TTBK1: variants seen among roughly 807,000 people sequenced by gnomAD.
TTBK1 encodes the protein tau-tubulin kinase 1.
Under a neutral mutation model 108.5 loss-of-function variants are expected in TTBK1, and 34 were observed. The observed-to-expected ratio is 0.31, with a 90% CI of 0.24 to 0.42. The LOEUF is 0.42. Among genes scored for constraint, TTBK1 ranks in the 10% least tolerant of loss-of-function variants. TTBK1 has a pLI of 1.00. For synonymous variants in TTBK1, 809 were observed against 795.1 expected (o/e 1.02, Z -0.29); for missense variants, 1,539 against 1,826.0 (o/e 0.84, Z 2.86).
Position 43,243,922 on chromosome 6 carries a change from C to T in TTBK1, c.-55+214C>T, listed in dbSNP as rs1033440343. ...CAGCACACAGACCTCCCTCCCCAAC[C>T]CGTCCTCCGGGCACTTTGCTCCTCC... On this transcript the variant is annotated intron_variant, in intron 1 of 14. Coordinates refer to ENST00000259750, the MANE Select transcript of TTBK1 (RefSeq NM_032538.3). This position sits in a 1 kb window ranked among gnomAD's most constrained non-coding sequence, Gnocchi z 5.5. Among the ~76,000 whole-genome samples the T allele has an allele frequency of 3.3e-5, 5 of 152,116 alleles. No homozygotes were observed. The highest frequency in any genetic ancestry group is 7.2e-5 in the African/African-American group (3 of 41,426).
In TTBK1 at chr6:43,276,172, C is replaced by T. The variant is rs1033991153; in HGVS notation, c.1987-6555C>T. On this transcript the variant is annotated intron_variant, in intron 13 of 14. Transcript: ENST00000259750. The surrounding 1 kb of genome is among the most constrained non-coding windows in gnomAD (Gnocchi z 5.4). ...CTCCCATCGTAAGTCCTTCCCTCGACCCCCCATTTTGTACTGCAATAATAC... is the reference window on the plus strand; with the variant it reads ...CTCCCATCGTAAGTCCTTCCCTCGATCCCCCATTTTGTACTGCAATAATAC... Among the ~76,000 whole-genome samples the T allele has an allele frequency of 2.6e-5, 4 of 152,170 alleles. No individual in the cohort carries two copies. The highest frequency in any genetic ancestry group is 9.7e-5 in the African/African-American group (4 of 41,424).
chr6:43,282,527 T>C lies in TTBK1; in HGVS notation c.1987-200T>C, dbSNP rs1378237070. On this transcript the variant is annotated intron_variant, in intron 13 of 14. Coordinates refer to ENST00000259750, the MANE Select transcript of TTBK1 (RefSeq NM_032538.3). The surrounding 1 kb of genome is among the most constrained non-coding windows in gnomAD (Gnocchi z 5.4). Reference sequence around the variant, plus strand: ...CATCAGAGGTTTCCTGAGCACTCACTAGGCGCCAGAGACCATTCTAGGCCC... The same window carrying C: ...CATCAGAGGTTTCCTGAGCACTCACCAGGCGCCAGAGACCATTCTAGGCCC... 6.6e-6 allele frequency among the ~76,000 whole-genome samples: 1 copy of C among 152,180 alleles called. No homozygotes were observed. The highest frequency in any genetic ancestry group is 2.4e-5 in the African/African-American group (1 of 41,434).
intron 13 of TTBK1, among the ~76,000 whole-genome samples, chr6:43,268,979 G>A (rs970464541): frequency 6.6e-6 from 1 of 151,322 alleles, no homozygotes; most frequent in Non-Finnish European, 1.5e-5. Flanking sequence ...CCTTTGAGGT[G>A]GGCACCATTA....
rs1005575171 is a variant in TTBK1, at chr6:43,253,026, G to A, written c.256+140G>A. Reference sequence around the variant, plus strand: ...AGGGGATGGAGCCAGGAGCTAAGGGGGAGGTGACGGAGCCAGAGTCTAGGA... The same window carrying A: ...AGGGGATGGAGCCAGGAGCTAAGGGAGAGGTGACGGAGCCAGAGTCTAGGA... On this transcript the variant is annotated intron_variant, in intron 3 of 14. Coordinates refer to ENST00000259750, the MANE Select transcript of TTBK1 (RefSeq NM_032538.3). This position sits in a 1 kb window ranked among gnomAD's most constrained non-coding sequence, Gnocchi z 5.8. 2 of 1,100,870 alleles carry A rather than the reference G, an allele frequency of 1.8e-6. No individual in the cohort carries two copies. The highest frequency in any genetic ancestry group is 2.6e-6 in the Non-Finnish European group (2 of 765,264). The allele number at this position is 1,100,870 out of a possible 1,614,324, so 68.2% of individuals were successfully genotyped here.
chr6:43,245,398 G>A (rs1362059105), intron 1 of TTBK1, among the ~76,000 whole-genome samples: 2 of 152,096 alleles, frequency 1.3e-5, no homozygotes, highest in Non-Finnish European at 2.9e-5. Flanking sequence ...ATCCTGTCCT[G>A]GGTTGGCAGA....
chr6:43,255,980 C>T, intron 9 of TTBK1, 124 bp downstream of exon 9: 2 of 1,198,724 alleles, frequency 1.7e-6, no homozygotes, highest in Non-Finnish European at 2.4e-6. Context: ...TCCCCTTGGT[C>T]TTCTAACTGC....
intron 5 of TTBK1, 46 bp from the exon 6 acceptor site, chr6:43,254,501 A>C (rs1377130010): frequency 7.0e-7 from 1 of 1,419,062 alleles, no homozygotes; most frequent in East Asian, 2.5e-5. Flanking sequence ...GAGGTGGCCC[A>C]GCTGGGGTTG....
At chr6:43,261,057 T>C (rs1028610837) in intron 12 of TTBK1, among the ~76,000 whole-genome samples, 3 of 152,178 alleles carry the variant, frequency 2.0e-5, no homozygotes, top group Admixed American at 6.5e-5. Flanking sequence ...ATATCAGCCA[T>C]TGACATGGGA....
chr6:43,266,959 C>T (rs574634048), intron 13 of TTBK1, among the ~76,000 whole-genome samples: 8 of 148,938 alleles, frequency 5.4e-5, no homozygotes, highest in African/African-American at 2.0e-4. Context: ...CCAGAGAGAG[C>T]AGATGGTTTG....
rs375732482 is a variant in TTBK1, at chr6:43,259,752, G to A, written c.1424+46G>A. ...ATGGTTGGGGCCCAAGGCCCTCTCC[G>A]CCTTCACGTGGCTGGTCTGGAGGAA... On this transcript the variant is annotated intron_variant, in intron 12 of 14. Coordinates refer to ENST00000259750, the MANE Select transcript of TTBK1 (RefSeq NM_032538.3). The surrounding 1 kb of genome is among the most constrained non-coding windows in gnomAD (Gnocchi z 6.7). 63 of 1,479,304 alleles carry A rather than the reference G, an allele frequency of 4.3e-5. No homozygotes were observed. The highest frequency in any genetic ancestry group is 5.7e-5 in the African/African-American group (4 of 70,634). 91.6% of individuals were successfully genotyped at this position (1,479,304 alleles called of 1,614,324 possible).
chr6:43,254,465 T>C, intron 5 of TTBK1, 82 bp from the exon 6 acceptor site: 1 of 951,606 alleles, frequency 1.1e-6, no homozygotes, highest in Middle Eastern at 2.2e-4. Flanking sequence ...CTTCACCAGC[T>C]GCAGAGCTGT....
intron 13 of TTBK1, among the ~76,000 whole-genome samples, chr6:43,268,441 C>A (rs1196930693): frequency 6.6e-6 from 1 of 152,218 alleles, no homozygotes; most frequent in South Asian, 2.1e-4. Context: ...CTGCTGGAGG[C>A]TCCATGCCAA....
rs182130926 is a variant in TTBK1 at position 43,269,090 on chromosome 6, G to A, written c.1986+5740G>A. Among the ~76,000 whole-genome samples the A allele has an allele frequency of 2.3e-4, 35 of 152,328 alleles. No homozygotes were observed. The highest frequency in any genetic ancestry group is 4.3e-4 in the Non-Finnish European group (29 of 68,034). ...AGTGGTGGAGTTGGGATTCAAACAC[G>A]AGTAATTGGGCTCTAGAGTACCACC... On this transcript the variant is annotated intron_variant, in intron 13 of 14. Coordinates refer to ENST00000259750, the MANE Select transcript of TTBK1 (RefSeq NM_032538.3). This position sits in a 1 kb window ranked among gnomAD's most constrained non-coding sequence, Gnocchi z 4.8.
At chr6:43,258,597 A>AT (rs1769140051) in intron 10 of TTBK1, among the ~76,000 whole-genome samples, 1 of 140,560 alleles carries the variant, frequency 7.1e-6, no homozygotes, top group Non-Finnish European at 1.5e-5. Flanking sequence ...AGAAGATTAA[A>AT]TAAAAAAAAA....
At chr6:43,251,978 C>G (rs907217918) in intron 2 of TTBK1, among the ~76,000 whole-genome samples, 8 of 152,172 alleles carry the variant, frequency 5.3e-5, no homozygotes, top group African/African-American at 1.9e-4. Flanking sequence ...TCAATCCGCC[C>G]TGAGACTGGG....
chr6:43,245,542 CAAAG>C (rs904972616), intron 1 of TTBK1, among the ~76,000 whole-genome samples: 3 of 134,172 alleles, frequency 2.2e-5, no homozygotes, highest in South Asian at 2.3e-4. Context: ...AAAAGATAGA[CAAAG>C]AAAGACACAC....
chr6:43,278,059 A>G (rs1372902750), intron 13 of TTBK1, among the ~76,000 whole-genome samples: 2 of 152,134 alleles, frequency 1.3e-5, no homozygotes, highest in Non-Finnish European at 1.5e-5. Flanking sequence ...GCCGGGGTGC[A>G]GTGCCTGAAG....
rs142658801 is a variant in TTBK1 at position 43,259,577 on chromosome 6, G to T, written c.1295G>T (p.Ser432Ile). The change falls in exon 12 of 15, where the codon AGC (serine) becomes ATC (isoleucine). Residue 432 changes from serine (S) to isoleucine (I), a missense_variant. By Grantham distance (142) the Ser-to-Ile change is moderately radical (BLOSUM62 -2). This residue lies in a region of TTBK1 where 277 missense variants were observed against 332.4 expected (regional missense o/e 0.83). Coordinates refer to ENST00000259750, the MANE Select transcript of TTBK1 (RefSeq NM_032538.3). This position sits in a 1 kb window ranked among gnomAD's most constrained non-coding sequence, Gnocchi z 6.7. The stretch of plus-strand genomic sequence containing the variant: ...CAGAGCCGAGGCATGGGGGTCCCCA[G>T]CTCCCCAGTGCGTGCCCCCCCAGAC... ...EEQSRGMGVP[S>I]SPVRAPPDSP... 5.0e-6 allele frequency: 8 copies of T among 1,607,468 alleles called. No homozygotes were observed. Among genetic ancestry groups the T allele is most frequent in the Non-Finnish European group, 4.2e-6 (5 of 1,177,120 alleles).
chr6:43,250,064 G>T (rs981101690), intron 2 of TTBK1, among the ~76,000 whole-genome samples: 1 of 135,022 alleles, frequency 7.4e-6, no homozygotes, highest in African/African-American at 2.7e-5. Flanking sequence ...GTGGGGGGTG[G>T]GTGGGGAAGA....
Sources: gnomAD v4.1 joint callset for allele counts (sites outside exome capture counted in the v4.1 genomes callset) on GRCh38, gnomAD v4.1.1 for gene constraint, gnomAD v4.1.1 regional missense constraint, Gnocchi (gnomAD v3.1) non-coding constraint, MANE v1.5 for transcripts, NCBI Gene and HGNC (gene_info 2026-07-23, HGNC 2026-07-21) for gene names.